NPAS3: variants seen among roughly 807,000 people sequenced by gnomAD.
NPAS3 encodes neuronal PAS domain protein 3, also known as neuronal PAS domain-containing protein 3.
NPAS3 carries 14 observed loss-of-function variants against 73.1 expected under a neutral mutation model. That is an observed-to-expected ratio of 0.19 (90% CI 0.13 to 0.30). The LOEUF (loss-of-function observed/expected upper bound fraction) is 0.30, where lower values mean the gene tolerates loss of function less well. Ranked by LOEUF, NPAS3 falls within the 10% of genes least tolerant of loss-of-function variation. The pLI is 1.00. For synonymous variants in NPAS3, 620 were observed against 541.5 expected (o/e 1.14, Z -2.01); for missense variants, 1,096 against 1,250.0 (o/e 0.88, Z 1.86).
intron 3 of NPAS3, among the ~76,000 whole-genome samples, chr14:33,241,592 G>A (rs952661909): frequency 6.6e-6 from 1 of 151,970 alleles, no homozygotes; most frequent in Non-Finnish European, 1.5e-5. Context: ...GCTATTACAA[G>A]TAATGTCCTT....
chr14:33,774,354 C>T (rs987920726), exon 8 of NPAS3: 10 of 1,613,696 alleles, frequency 6.2e-6, no homozygotes, highest in South Asian at 1.1e-5. Context: ...ACATAACAGG[C>T]CGGCTACGCC....
chr14:33,675,371 A>G (rs2059732217), intron 5 of NPAS3, among the ~76,000 whole-genome samples: 1 of 152,230 alleles, frequency 6.6e-6, no homozygotes. Context: ...GCCTGACAGC[A>G]TTAAAATAGT....
intron 4 of NPAS3, among the ~76,000 whole-genome samples, chr14:33,419,964 T>A (rs952123729): frequency 2.0e-5 from 3 of 151,970 alleles, no homozygotes; most frequent in African/African-American, 7.2e-5. Context: ...GTTACTTTTT[T>A]TGAACAGTGA....
At chr14:32,990,107 C>T (rs543751323) in intron 1 of NPAS3, among the ~76,000 whole-genome samples, 31 of 152,114 alleles carry the variant, frequency 2.0e-4, no homozygotes, top group Non-Finnish European at 1.8e-4. Flanking sequence ...GGAAAAGGAG[C>T]AAATATGTGC....
intron 3 of NPAS3, among the ~76,000 whole-genome samples, chr14:33,333,402 T>C (rs541592781): frequency 6.6e-6 from 1 of 152,352 alleles, no homozygotes; most frequent in South Asian, 2.1e-4. Flanking sequence ...ACTACTTTAA[T>C]TTATAAAGCA....
chr14:33,142,455 T>C (rs1043999532), intron 2 of NPAS3, among the ~76,000 whole-genome samples: 1 of 152,160 alleles, frequency 6.6e-6, no homozygotes, highest in African/African-American at 2.4e-5. Flanking sequence ...TTTCATGCCC[T>C]ATACTAGGAT....
intron 1 of NPAS3, among the ~76,000 whole-genome samples, chr14:32,999,362 T>A (rs1003334257): frequency 1.3e-4 from 20 of 151,954 alleles, no homozygotes; most frequent in Non-Finnish European, 2.8e-4. Flanking sequence ...ATACAAAAAA[T>A]TGGCTAGGCG....
chr14:33,713,238 G>C (rs538912721), intron 6 of NPAS3, among the ~76,000 whole-genome samples: 3 of 152,170 alleles, frequency 2.0e-5, no homozygotes, highest in Non-Finnish European at 2.9e-5. Flanking sequence ...CCCAAGGCTG[G>C]TTAATTCAAT....
Position 33,121,571 on chromosome 14 carries a change from G to C in NPAS3, c.140+65577G>C, listed in dbSNP as rs529788399. Among the ~76,000 whole-genome samples the C allele has an allele frequency of 2.4e-3, 370 of 152,224 alleles. 1 individual carries two copies. Among genetic ancestry groups the C allele is most frequent in the Admixed American group, 6.1e-3 (94 of 15,286 alleles). ...TGAATGAGTGCCAGATTGTTTAAAA[G>C]GACACCTTTTTAGCAATCAGAACTG... On this transcript the variant is annotated intron_variant, in intron 2 of 11. Transcript: ENST00000356141.
chr14:33,759,065 C>T, intron 7 of NPAS3, among the ~76,000 whole-genome samples: 1 of 152,102 alleles, frequency 6.6e-6, no homozygotes, highest in East Asian at 1.9e-4. Context: ...GTCATAATGC[C>T]CACTTCTGAG....
chr14:33,329,131 A>G (rs2043859291), intron 3 of NPAS3, among the ~76,000 whole-genome samples: 1 of 152,114 alleles, frequency 6.6e-6, no homozygotes, highest in Admixed American at 6.6e-5. Context: ...TACTTGCCTT[A>G]TGGAATGGAC....
chr14:33,371,484 A>G (rs1414769126), intron 4 of NPAS3, among the ~76,000 whole-genome samples: 3 of 152,196 alleles, frequency 2.0e-5, no homozygotes, highest in African/African-American at 7.2e-5. Flanking sequence ...CTCTTGGCCA[A>G]TTATATGCTC....
intron 5 of NPAS3, among the ~76,000 whole-genome samples, chr14:33,619,060 A>G (rs914769690): frequency 3.3e-5 from 5 of 152,186 alleles, no homozygotes; most frequent in African/African-American, 1.2e-4. Context: ...TACTGTTTCC[A>G]AATGTTCATA....
At chr14:33,763,551 G>A (rs1019455439) in intron 7 of NPAS3, among the ~76,000 whole-genome samples, 1 of 152,198 alleles carries the variant, frequency 6.6e-6, no homozygotes, top group Non-Finnish European at 1.5e-5. Context: ...CTCAGATGCA[G>A]TGTAGTCAGG....
intron 1 of NPAS3, among the ~76,000 whole-genome samples, chr14:33,035,225 G>A (rs2040124423): frequency 6.6e-6 from 1 of 152,124 alleles, no homozygotes; most frequent in African/African-American, 2.4e-5. Flanking sequence ...CAAAAATCAA[G>A]GGCCTTTTAG....
intron 2 of NPAS3, among the ~76,000 whole-genome samples, chr14:33,090,246 G>A (rs1418357070): frequency 2.0e-5 from 3 of 152,080 alleles, no homozygotes; most frequent in Admixed American, 6.5e-5. Context: ...GCTGTATTCA[G>A]GAAACCCATC....
intron 5 of NPAS3, among the ~76,000 whole-genome samples, chr14:33,566,222 T>C (rs904367656): frequency 3.0e-5 from 4 of 134,194 alleles, no homozygotes; most frequent in Admixed American, 1.5e-4. Flanking sequence ...AAGAAATTGA[T>C]TTTTCCCCCC....
At chr14:33,111,167 C>G (rs2138963373) in intron 2 of NPAS3, among the ~76,000 whole-genome samples, 1 of 152,310 alleles carries the variant, frequency 6.6e-6, no homozygotes, top group Non-Finnish European at 1.5e-5. Flanking sequence ...TGGGGTGATA[C>G]TCACTGAGCC....
intron 4 of NPAS3, among the ~76,000 whole-genome samples, chr14:33,411,166 T>C (rs555590178): frequency 3.3e-5 from 5 of 152,098 alleles, no homozygotes; most frequent in Non-Finnish European, 5.9e-5. Context: ...CATTTGGCAA[T>C]GTCTGGAGGC....
Sources: allele counts gnomAD v4.1 joint callset (sites outside exome capture counted in the v4.1 genomes callset), GRCh38; gene constraint gnomAD v4.1.1; transcripts MANE v1.5; gene names NCBI Gene and HGNC (gene_info 2026-07-23, HGNC 2026-07-21).